HHLA2: variants seen among roughly 807,000 people sequenced by gnomAD.
HHLA2 encodes HERV-H LTR-associating protein 2.
In HHLA2, 48 loss-of-function variants were observed where a neutral mutation model predicts 45.9. That is an observed-to-expected ratio of 1.05 (90% CI 0.83 to 1.33). The LOEUF is 1.33. HHLA2 is among the 40% of genes most tolerant of loss of function. The pLI is 0.00. For synonymous variants in HHLA2, 161 were observed against 173.9 expected (o/e 0.93, Z 0.59); for missense variants, 462 against 494.3 (o/e 0.93, Z 0.62).
At chr3:108,353,380 G>A (rs778772789) in intron 4 of HHLA2, 47 bp from the exon 4 acceptor site, 7 of 1,247,666 alleles carry the variant, frequency 5.6e-6, no homozygotes, top group Non-Finnish European at 6.7e-6. Flanking sequence ...TCCTGAACAA[G>A]CACATGGCAT....
At chr3:108,354,773 A>G (rs1052398955) in intron 5 of HHLA2, among the ~76,000 whole-genome samples, 20 of 152,168 alleles carry the variant, frequency 1.3e-4, no homozygotes, top group African/African-American at 4.8e-4. Context: ...AGGAGTGTAG[A>G]GTGCCGCATG....
At chr3:108,305,912 G>C (rs2080921260) in intron 1 of HHLA2, among the ~76,000 whole-genome samples, 1 of 152,170 alleles carries the variant, frequency 6.6e-6, no homozygotes, top group Admixed American at 6.5e-5. Flanking sequence ...TCTGCTGTGG[G>C]GAGTGTGGGT....
At position 108,376,475 on chromosome 3, in the gene HHLA2, T is replaced by TC; in HGVS notation, c.1160-17dup. ...TTGCAAAGAAATTATTTTTAAGTTC[T>TC]CTTTTTTTTTCCTGTAGAAAGATGT... On this transcript the variant is annotated splice_polypyrimidine_tract_variant and intron_variant, in intron 9 of 10. Coordinates refer to ENST00000619531, the Ensembl canonical transcript of HHLA2. 1 of 1,590,238 alleles carries TC rather than the reference T, an allele frequency of 6.3e-7. No homozygotes were observed. Among genetic ancestry groups the TC allele is most frequent in the Non-Finnish European group, 8.5e-7 (1 of 1,169,950 alleles).
At chr3:108,343,924 G>A (rs1307386037) in intron 3 of HHLA2, among the ~76,000 whole-genome samples, 3 of 152,118 alleles carry the variant, frequency 2.0e-5, no homozygotes, top group African/African-American at 7.2e-5. Flanking sequence ...ACAGACTGTT[G>A]ATCCTCCTCA....
At chr3:108,328,705 G>A (rs2081333304) in intron 3 of HHLA2, among the ~76,000 whole-genome samples, 1 of 151,528 alleles carries the variant, frequency 6.6e-6, no homozygotes, top group African/African-American at 2.4e-5. Context: ...TTTTTACTTT[G>A]TCTTATGACT....
At chr3:108,320,896 TG>T (rs2081187918) in intron 2 of HHLA2, among the ~76,000 whole-genome samples, 1 of 152,108 alleles carries the variant, frequency 6.6e-6, no homozygotes, top group Admixed American at 6.5e-5. Context: ...TGAATTACCC[TG>T]GGTTTCTTGC....
intron 8 of HHLA2, among the ~76,000 whole-genome samples, chr3:108,370,968 T>C (rs543205274): frequency 2.9e-4 from 44 of 152,036 alleles, no homozygotes; most frequent in Non-Finnish European, 5.9e-4. Context: ...ATTCAGGAAA[T>C]ACAGAGAACG....
At chr3:108,376,851 T>C (rs2082285114) in intron 10 of HHLA2, 1 of 345,980 alleles carries the variant, frequency 2.9e-6, no homozygotes, top group East Asian at 5.1e-5. Flanking sequence ...CCAATGTACT[T>C]ATTCTTATGA....
intron 3 of HHLA2, among the ~76,000 whole-genome samples, chr3:108,341,195 C>T (rs953820031): frequency 1.3e-5 from 2 of 151,938 alleles, no homozygotes; most frequent in Non-Finnish European, 2.9e-5. Flanking sequence ...TCAGGTAATC[C>T]GCCCGCCTCG....
At chr3:108,375,054 A>C (rs1289095742) in intron 8 of HHLA2, among the ~76,000 whole-genome samples, 1 of 150,440 alleles carries the variant, frequency 6.6e-6, no homozygotes, top group African/African-American at 2.5e-5. Context: ...GGCACTATTC[A>C]CAATAGCAAA....
rs1372519404 is a variant in HHLA2, at chr3:108,370,639, G to A, written c.1109-5111G>A. ...ATGCAGAGCAGTCCTTAAAGGACCC[G>A]ATGGAGCTGAAAACCAAGGCACGAG... On this transcript the variant is annotated intron_variant, in intron 8 of 10. Transcript: ENST00000619531. 2.6e-5 allele frequency among the ~76,000 whole-genome samples: 4 copies of A among 152,190 alleles called. No individual in the cohort carries two copies. In the South Asian group the frequency reaches 6.2e-4, roughly 24 times the overall value.
intron 1 of HHLA2, among the ~76,000 whole-genome samples, chr3:108,307,339 A>G (rs562008786): frequency 6.6e-6 from 1 of 152,196 alleles, no homozygotes; most frequent in Non-Finnish European, 1.5e-5. Context: ...TGAAGATATT[A>G]TAAGAGTTCT....
At chr3:108,358,860 T>G (rs531803346) in intron 7 of HHLA2, among the ~76,000 whole-genome samples, 1 of 152,284 alleles carries the variant, frequency 6.6e-6, no homozygotes, top group East Asian at 1.9e-4. Flanking sequence ...TTTAGAAATA[T>G]TTCTATCATT....
intron 6 of HHLA2, among the ~76,000 whole-genome samples, chr3:108,357,103 G>A (rs2081906794): frequency 6.6e-6 from 1 of 152,162 alleles, no homozygotes; most frequent in African/African-American, 2.4e-5. Context: ...GATCAGAAGA[G>A]GGATTTGAAC....
intron 10 of HHLA2, 118 bp downstream of exon 9, chr3:108,376,675 C>A (rs1465657224): frequency 2.4e-6 from 2 of 825,958 alleles, no homozygotes; most frequent in Admixed American, 2.7e-5. Context: ...CAGAAAAAAA[C>A]AGCAGCAGGG....
intron 3 of HHLA2, among the ~76,000 whole-genome samples, chr3:108,344,468 C>T (rs2081628281): frequency 1.3e-5 from 2 of 152,100 alleles, no homozygotes; most frequent in African/African-American, 4.8e-5. Context: ...TGAAGATAGA[C>T]CAGGTTTGGT....
At chr3:108,376,793 G>T in intron 10 of HHLA2, 1 of 425,662 alleles carries the variant, frequency 2.3e-6, no homozygotes, top group South Asian at 3.1e-5. Context: ...GTCTCCTATT[G>T]TTATTTGTAG....
intron 6 of HHLA2, among the ~76,000 whole-genome samples, chr3:108,357,108 T>A (rs1173882784): frequency 6.6e-6 from 1 of 152,154 alleles, no homozygotes; most frequent in African/African-American, 2.4e-5. Context: ...GAAGAGGGAT[T>A]TGAACCATCA....
intron 1 of HHLA2, among the ~76,000 whole-genome samples, chr3:108,301,844 C>G (rs958076598): frequency 1.3e-5 from 2 of 152,110 alleles, no homozygotes; most frequent in Admixed American, 1.3e-4. Flanking sequence ...TCTATTGTTT[C>G]TCTTCTGCTT....
Sources: allele counts gnomAD v4.1 joint callset (sites outside exome capture counted in the v4.1 genomes callset), GRCh38; gene constraint gnomAD v4.1.1; transcripts MANE v1.5; gene names NCBI Gene and HGNC (gene_info 2026-07-23, HGNC 2026-07-21).